Variants in SLC30A10 observed in about 807,000 individuals in gnomAD.
SLC30A10 encodes the protein solute carrier family 30 member 10.
Under a neutral mutation model 21.7 loss-of-function variants are expected in SLC30A10, and 8 were observed. The ratio of observed to expected loss-of-function variants is 0.37; its 90% CI spans 0.22 to 0.67. SLC30A10 has a LOEUF of 0.67. Ranked by LOEUF, SLC30A10 falls within the 30% of genes least tolerant of loss-of-function variation. The pLI is 0.58. For synonymous variants in SLC30A10, 272 were observed against 279.4 expected (o/e 0.97, Z 0.26); for missense variants, 521 against 642.5 (o/e 0.81, Z 2.04).
chr1:219,951,006 G>A (rs1237904173), intron 1 of SLC30A10, among the ~76,000 whole-genome samples: 1 of 152,142 alleles, frequency 6.6e-6, no homozygotes, highest in East Asian at 1.9e-4. Context: ...AAGAAAAACA[G>A]ATTCTTATGG....
rs762014945 is a variant in SLC30A10, at chr1:219,915,739, G to C, written c.1168C>G (p.Pro390Ala). 6.2e-7 allele frequency: 1 copy of C among 1,614,200 alleles called. No individual in the cohort carries two copies. Among genetic ancestry groups the C allele is most frequent in the Non-Finnish European group, 8.5e-7 (1 of 1,180,038 alleles). ...AACAGTAAGTCCTTCTGCTCCAGGG[G>C]TTCCTTCAAGTCCACATTTTCAAAC... is the stretch of plus-strand genomic sequence containing the variant. ...IQFENVDLKE[P>A]LEQKDLLLLC... is the part of the protein sequence containing the mutation. The change falls in exon 4 of 4, where the codon CCC (proline) becomes GCC (alanine). Residue 390 changes from proline to alanine, a missense_variant. By Grantham distance (27) the Pro-to-Ala change is conservative. Coordinates refer to ENST00000366926, the MANE Select transcript of SLC30A10 (RefSeq NM_018713.3).
chr1:219,937,338 C>A (rs1660059932), intron 1 of SLC30A10, among the ~76,000 whole-genome samples: 6 of 152,164 alleles, frequency 3.9e-5, no homozygotes. Context: ...TATCAATTTT[C>A]CCTTTTGGTA....
chr1:219,920,406 G>T (rs1659650013), intron 2 of SLC30A10, among the ~76,000 whole-genome samples: 1 of 152,158 alleles, frequency 6.6e-6, no homozygotes, highest in African/African-American at 2.4e-5. Context: ...CACATGTGAT[G>T]TCATGTTTAC....
chr1:219,947,703 G>T (rs1047850505), intron 1 of SLC30A10, among the ~76,000 whole-genome samples: 2 of 151,960 alleles, frequency 1.3e-5, no homozygotes, highest in Non-Finnish European at 2.9e-5. Context: ...CTGTAATCAC[G>T]CCTGTAATCC....
Position 219,915,383 on chromosome 1 carries a change from T to C in SLC30A10, c.*66A>G. The stretch of plus-strand genomic sequence containing the variant: ...CTGGGCCTACAACCCAGAAAGCTCT[T>C]TTTGTGAGCCAAGCTTGTGGTTCCA... On this transcript the variant is annotated 3_prime_UTR_variant, in exon 4 of 4. Coordinates refer to ENST00000366926, the MANE Select transcript of SLC30A10 (RefSeq NM_018713.3). 6.4e-7 allele frequency: 1 copy of C among 1,556,388 alleles called. No individual in the cohort carries two copies. Among genetic ancestry groups the C allele is most frequent in the South Asian group, 1.3e-5 (1 of 79,498 alleles).
chr1:219,954,472 G>A (rs1266215634), intron 1 of SLC30A10, among the ~76,000 whole-genome samples: 2 of 151,928 alleles, frequency 1.3e-5, no homozygotes, highest in African/African-American at 2.4e-5. Flanking sequence ...TTGAGGCCAG[G>A]AGTTCAAGAC....
rs1280243253 is a variant in SLC30A10 at position 219,918,056 on chromosome 1, A to G, written c.958+199T>C. On this transcript the variant is annotated intron_variant, in intron 3 of 3. Transcript: ENST00000366926. The surrounding 1 kb of genome is among the most constrained non-coding windows in gnomAD (Gnocchi z 4.4). ...AAATTTGCAGTTGAGTCAGAGAATCACGGATTGCAAAGGACCTTTGGTACT... is the reference window on the plus strand; with the variant it reads ...AAATTTGCAGTTGAGTCAGAGAATCGCGGATTGCAAAGGACCTTTGGTACT... Among the ~76,000 whole-genome samples the G allele has an allele frequency of 6.6e-6, 1 of 152,160 alleles. No individual in the cohort carries two copies. Among genetic ancestry groups the G allele is most frequent in the Non-Finnish European group, 1.5e-5 (1 of 68,014 alleles).
At chr1:219,920,856 T>C (rs561348968) in intron 2 of SLC30A10, among the ~76,000 whole-genome samples, 11 of 152,312 alleles carry the variant, frequency 7.2e-5, no homozygotes, top group African/African-American at 2.6e-4. Flanking sequence ...TCAGTCTTTT[T>C]CCTTACCTGC....
chr1:219,955,479 G>T (rs1660336029), intron 1 of SLC30A10, among the ~76,000 whole-genome samples: 1 of 151,942 alleles, frequency 6.6e-6, no homozygotes, highest in Non-Finnish European at 1.5e-5. Flanking sequence ...AAAATTTTCT[G>T]GTTCTGTATG....
At chr1:219,934,968 G>C (rs1386467117) in intron 1 of SLC30A10, among the ~76,000 whole-genome samples, 1 of 152,192 alleles carries the variant, frequency 6.6e-6, no homozygotes, top group African/African-American at 2.4e-5. Flanking sequence ...AGGGGTTATG[G>C]CTACTAGGAA....
intron 2 of SLC30A10, among the ~76,000 whole-genome samples, chr1:219,919,272 G>A (rs1415867711): frequency 1.3e-5 from 2 of 152,158 alleles, no homozygotes; most frequent in African/African-American, 4.8e-5. Flanking sequence ...TAAAAATTTG[G>A]TCAGAAAAAT....
At chr1:219,924,268 C>T (rs2102531385) in intron 2 of SLC30A10, among the ~76,000 whole-genome samples, 1 of 152,174 alleles carries the variant, frequency 6.6e-6, no homozygotes, top group South Asian at 2.1e-4. Flanking sequence ...GGACTGTGTA[C>T]TAGAGAAGCA....
At chr1:219,929,292 C>T (rs1659928382), upstream of SLC30A10, among the ~76,000 whole-genome samples, 1 of 152,188 alleles carries the variant, frequency 6.6e-6, no homozygotes, top group Admixed American at 6.5e-5. Context: ...CTCAGGAGAG[C>T]AGACCCCACT....
In SLC30A10 at chr1:219,951,366, G is replaced by A. The variant is rs114579606; in HGVS notation, n.80+7202C>T. Among the ~76,000 whole-genome samples, 1,118 of 152,220 alleles carry A rather than the reference G, an allele frequency of 7.3e-3. 15 individuals carry two copies. Among genetic ancestry groups the A allele is most frequent in the African/African-American group, 0.025 (1,057 of 41,526 alleles). On this transcript the variant is annotated intron_variant and non_coding_transcript_variant, in intron 1 of 8. Coordinates refer to the SLC30A10 transcript ENST00000484239. ...CCAGTGGATGAGGGAGGACGTTCCAGAACATGTATTTTTCTTTTTTTAAGT... is the reference window on the plus strand; with the variant it reads ...CCAGTGGATGAGGGAGGACGTTCCAAAACATGTATTTTTCTTTTTTTAAGT...
chr1:219,953,618 A>T (rs1394562378), intron 1 of SLC30A10, among the ~76,000 whole-genome samples: 1 of 151,762 alleles, frequency 6.6e-6, no homozygotes, highest in Non-Finnish European at 1.5e-5. Flanking sequence ...AAAAAGAAAA[A>T]GAAAAGAAAG....
In SLC30A10 at chr1:219,935,270, G is replaced by T. The variant is rs554539458; in HGVS notation, n.81-8165C>A. Among the ~76,000 whole-genome samples the T allele has an allele frequency of 2.6e-5, 4 of 152,266 alleles. No homozygotes were observed. The South Asian group carries it at 8.3e-4, about 32-fold the overall frequency. ...AACAAGGTTTCCTATGTGTTCTTTG[G>T]TGCCATCAGAAACAATCCAACACAG... On this transcript the variant is annotated intron_variant and non_coding_transcript_variant, in intron 1 of 8. Coordinates refer to the SLC30A10 transcript ENST00000484239.
At chr1:219,950,586 C>T (rs982264956) in intron 1 of SLC30A10, among the ~76,000 whole-genome samples, 23 of 151,104 alleles carry the variant, frequency 1.5e-4, no homozygotes, top group African/African-American at 5.4e-4. Flanking sequence ...TTACAGTGAG[C>T]CAAGATCGTG....
At chr1:219,941,266 T>C (rs1620685) in intron 1 of SLC30A10, among the ~76,000 whole-genome samples, 52,008 of 152,020 alleles carry the variant, frequency 0.34, 9,282 homozygotes, top group Non-Finnish European at 0.4. Flanking sequence ...ACAAGACAAA[T>C]TTGAAGCCTT....
Position 219,928,217 on chromosome 1 carries a change from G to A in SLC30A10, c.224C>T (p.Ala75Val), listed in dbSNP as rs767306034. 1.1e-5 allele frequency: 17 copies of A among 1,563,454 alleles called. No homozygotes were observed. The highest frequency in any genetic ancestry group is 1.5e-5 in the Non-Finnish European group (17 of 1,154,216). The change falls in exon 1 of 4, where the codon GCC (alanine) becomes GTC (valine). Residue 75 changes from alanine (A) to valine (V), a missense_variant. Physicochemically the swap from Ala to Val is moderately conservative, Grantham distance 64. Coordinates refer to ENST00000366926, the MANE Select transcript of SLC30A10 (RefSeq NM_018713.3). The surrounding 1 kb of genome is among the most constrained non-coding windows in gnomAD (Gnocchi z 6.3). Reference sequence around the variant, plus strand: ...CAGCGCGCCCACCACCTCGGCGCGGGCGTAGCCGTAGGTGGCGCTGAAGCC... The same window carrying A: ...CAGCGCGCCCACCACCTCGGCGCGGACGTAGCCGTAGGTGGCGCTGAAGCC... ...TRGFSATYGYARAEVVGALSN... is the reference protein window; with the variant it reads ...TRGFSATYGYVRAEVVGALSN...
Sources: gnomAD v4.1 joint callset for allele counts (sites outside exome capture counted in the v4.1 genomes callset) on GRCh38, gnomAD v4.1.1 for gene constraint, Gnocchi (gnomAD v3.1) non-coding constraint, MANE v1.5 for transcripts, NCBI Gene and HGNC (gene_info 2026-07-23, HGNC 2026-07-21) for gene names.